The following AKAP12 variants were observed in gnomAD, a reference collection of about 807,000 sequenced individuals.
AKAP12 encodes the protein A-kinase anchor protein 12.
In AKAP12, 32 loss-of-function variants were observed where a neutral mutation model predicts 79.9. That is an observed-to-expected ratio of 0.40 (90% CI 0.30 to 0.54). The LOEUF (loss-of-function observed/expected upper bound fraction) is 0.54. Ranked by LOEUF, AKAP12 falls within the 20% of genes least tolerant of loss-of-function variation. AKAP12 has a pLI of 0.48. For missense variants in AKAP12, 2,074 were observed against 2,177.0 expected (o/e 0.95, Z 0.94); for synonymous variants, 808 against 857.0 (o/e 0.94, Z 1.00).
rs1300903611 is a variant in AKAP12 at position 151,353,681 on chromosome 6, CAGG to C, written c.5296_5298del (p.Glu1766del). 6.2e-7 allele frequency: 1 copy of C among 1,611,954 alleles called. No homozygotes were observed. The highest frequency in any genetic ancestry group is 8.5e-7 in the Non-Finnish European group (1 of 1,179,388). On this transcript the variant is annotated inframe_deletion, in exon 4 of 5. Transcript: ENST00000402676. ...AGATAAAGCGATCACACCCCAAGCA[CAGG>C]AGGAGTTACAGAAACAAGAGAGAGA... is the stretch of plus-strand genomic sequence containing the variant.
Position 151,350,470 on chromosome 6 carries a change from G to A in AKAP12, c.2079G>A (p.Arg693=). ...TGGGATCATCCAAGAAAAGAGCAAG[G>A]AGAGGGTCCTCTTCTGATGAGGAAG... ...ICVGSSKKRA[R]RGSSSDEEGG... Residue 693 remains arginine (R), a synonymous_variant, in exon 4 of 5, where the codon AGG becomes AGA. Transcript: ENST00000402676. This position sits in a 1 kb window ranked among gnomAD's most constrained non-coding sequence, Gnocchi z 4.8. 1 of 1,614,116 alleles carries A rather than the reference G, an allele frequency of 6.2e-7. No individual in the cohort carries two copies. Among genetic ancestry groups the A allele is most frequent in the East Asian group, 2.2e-5 (1 of 44,858 alleles).
intron 2 of AKAP12, among the ~76,000 whole-genome samples, chr6:151,270,761 A>G (rs1418097378): frequency 1.3e-5 from 2 of 151,812 alleles, no homozygotes; most frequent in Non-Finnish European, 2.9e-5. Flanking sequence ...TTTGATGTGC[A>G]TTTCCCTGAT....
At chr6:151,354,500 A>G (rs1232705239) in intron 4 of AKAP12, among the ~76,000 whole-genome samples, 2 of 151,934 alleles carry the variant, frequency 1.3e-5, no homozygotes, top group Non-Finnish European at 2.9e-5. Flanking sequence ...CAGCCTCCCG[A>G]GTAGCTGGGA....
At chr6:151,249,380 G>A (rs1205017406) in intron 2 of AKAP12, among the ~76,000 whole-genome samples, 1 of 152,066 alleles carries the variant, frequency 6.6e-6, no homozygotes, top group East Asian at 1.9e-4. Flanking sequence ...AGGTCTCACT[G>A]TGTTGCCAAG....
At chr6:151,304,856 G>A (rs912029443) in intron 2 of AKAP12, among the ~76,000 whole-genome samples, 6 of 151,636 alleles carry the variant, frequency 4.0e-5, no homozygotes, top group South Asian at 2.1e-4. Flanking sequence ...ACAAACATGA[G>A]CCACCACGCC....
At chr6:151,341,731 G>A (rs1777954922) in intron 3 of AKAP12, 2 of 1,276,470 alleles carry the variant, frequency 1.6e-6, no homozygotes, top group African/African-American at 1.5e-5. Context: ...CCGCAGCGAT[G>A]GCGGACACGG....
Position 151,353,596 on chromosome 6 carries a change from A to C in AKAP12, c.5205A>C (p.Gln1735His), listed in dbSNP as rs1367798431. The stretch of plus-strand genomic sequence containing the variant: ...CCCCAGATACAAATGGACCAAAACA[A>C]AAAGAGAAGGAGGATGCCCAGGAAG... ...KESPDTNGPK[Q>H]KEKEDAQEVE... The change falls in exon 4 of 5, where the codon CAA (glutamine) becomes CAC (histidine). Residue 1735 changes from glutamine (Q) to histidine (H), a missense_variant. Gln to His is a conservative substitution (Grantham distance 24). Coordinates refer to ENST00000402676, the MANE Select transcript of AKAP12 (RefSeq NM_005100.4). 1 of 1,614,076 alleles carries C rather than the reference A, an allele frequency of 6.2e-7. No homozygotes were observed. Among genetic ancestry groups the C allele is most frequent in the Non-Finnish European group, 8.5e-7 (1 of 1,180,028 alleles).
intron 2 of AKAP12, among the ~76,000 whole-genome samples, chr6:151,270,384 C>G (rs1298429709): frequency 2.0e-5 from 3 of 152,202 alleles, no homozygotes; most frequent in African/African-American, 7.2e-5. Flanking sequence ...GTATAATATT[C>G]CGTTGTATGG....
chr6:151,311,968 T>C (rs951852435), intron 3 of AKAP12, among the ~76,000 whole-genome samples: 11 of 152,230 alleles, frequency 7.2e-5, no homozygotes, highest in Non-Finnish European at 1.2e-4. Context: ...CTGTTTCCTC[T>C]GCAAGAGGCT....
At chr6:151,280,712 C>T (rs1290275463) in intron 2 of AKAP12, 2 of 41,128 alleles carry the variant, frequency 4.9e-5, no homozygotes, top group East Asian at 1.2e-3. Context: ...CACAATCACA[C>T]CTCACTGTAA....
At chr6:151,328,541 G>A (rs1777590395) in intron 3 of AKAP12, among the ~76,000 whole-genome samples, 1 of 151,380 alleles carries the variant, frequency 6.6e-6, no homozygotes, top group African/African-American at 2.4e-5. Flanking sequence ...GGAGGCTGAG[G>A]CAGGAGAATT....
chr6:151,314,153 G>C (rs1365501145), intron 3 of AKAP12, among the ~76,000 whole-genome samples: 1 of 151,330 alleles, frequency 6.6e-6, no homozygotes, highest in Non-Finnish European at 1.5e-5. Flanking sequence ...TCAGGCTCCT[G>C]AGTAGCTGGA....
intron 2 of AKAP12, among the ~76,000 whole-genome samples, chr6:151,304,449 A>T (rs1277216955): frequency 8.0e-6 from 1 of 125,626 alleles, no homozygotes; most frequent in Admixed American, 1.0e-4. Flanking sequence ...AGATCACGCC[A>T]CTGCACTTCA....
At chr6:151,336,453 T>C (rs1777817053) in intron 3 of AKAP12, among the ~76,000 whole-genome samples, 1 of 152,110 alleles carries the variant, frequency 6.6e-6, no homozygotes, top group Admixed American at 6.6e-5. Flanking sequence ...TTTTTAATAA[T>C]AGCTATTTTG....
intron 3 of AKAP12, among the ~76,000 whole-genome samples, chr6:151,307,978 G>A (rs1289039038): frequency 6.6e-6 from 1 of 151,914 alleles, no homozygotes; most frequent in Admixed American, 6.6e-5. Context: ...CCCCGCCTCC[G>A]GCTCCAGTGA....
intron 2 of AKAP12, among the ~76,000 whole-genome samples, chr6:151,274,234 C>T (rs548733822): frequency 2.9e-4 from 44 of 152,132 alleles, no homozygotes; most frequent in East Asian, 1.8e-3. Context: ...CATGCCACTA[C>T]GCCCTGCTGA....
intron 2 of AKAP12, among the ~76,000 whole-genome samples, chr6:151,257,034 T>C (rs1797316086): frequency 6.6e-6 from 1 of 151,902 alleles, no homozygotes. Context: ...ATATGAAATA[T>C]GCCACAACTT....
Position 151,351,135 on chromosome 6 carries a change from C to T in AKAP12, c.2744C>T (p.Ser915Phe). The change falls in exon 4 of 5, where the codon TCT (serine) becomes TTT (phenylalanine). Residue 915 changes from serine (S) to phenylalanine (F), a missense_variant. Around this residue, in one of 3 missense-constraint regions of AKAP12, gnomAD observed 1,428 missense variants for 1,451.0 expected, o/e 0.98. Coordinates refer to ENST00000402676, the MANE Select transcript of AKAP12 (RefSeq NM_005100.4). This position sits in a 1 kb window ranked among gnomAD's most constrained non-coding sequence, Gnocchi z 4.4. ...IIEERSPSWI[S>F]ASVTEPLEQV... ...GAAGAAAGGTCTCCTTCTTGGATAT[C>T]TGCTTCAGTGACAGAACCTCTTGAA... is the stretch of plus-strand genomic sequence containing the variant. 6.2e-7 allele frequency: 1 copy of T among 1,614,222 alleles called. No individual in the cohort carries two copies. Among genetic ancestry groups the T allele is most frequent in the East Asian group, 2.2e-5 (1 of 44,878 alleles).
At chr6:151,282,255 G>T (rs1034574495) in intron 2 of AKAP12, among the ~76,000 whole-genome samples, 1 of 151,988 alleles carries the variant, frequency 6.6e-6, no homozygotes, top group African/African-American at 2.4e-5. Context: ...GACTACAGGC[G>T]CGTGCCACCA....
Sources: allele counts gnomAD v4.1 joint callset (sites outside exome capture counted in the v4.1 genomes callset), GRCh38; gene constraint gnomAD v4.1.1; regional missense constraint gnomAD v4.1.1; non-coding constraint Gnocchi (gnomAD v3.1); transcripts MANE v1.5; gene names NCBI Gene and HGNC (gene_info 2026-07-23, HGNC 2026-07-21).